Variants in IQCN observed in about 807,000 individuals in gnomAD.
IQCN encodes IQ domain-containing protein N.
Under a neutral mutation model 64.4 loss-of-function variants are expected in IQCN, and 46 were observed. The ratio of observed to expected loss-of-function variants is 0.71; its 90% CI spans 0.56 to 0.91. The LOEUF (loss-of-function observed/expected upper bound fraction) is 0.91. IQCN is among the 40% of genes least tolerant of loss of function. The pLI, the probability that IQCN is intolerant of heterozygous loss-of-function variation, is 0.00. For synonymous variants in IQCN, 733 were observed against 775.6 expected, an observed-to-expected ratio of 0.95 and a Z score of 0.91; for missense variants, 1,753 against 1,857.4, an observed-to-expected ratio of 0.94 and a Z score of 1.03.
rs773539164 is a variant in IQCN, at chr19:18,266,540, T to A, written c.1000A>T (p.Met334Leu). The A allele has an allele frequency of 6.2e-6, 10 of 1,612,048 alleles. No homozygotes were observed. Among genetic ancestry groups the A allele is most frequent in the Middle Eastern group, 1.6e-4 (1 of 6,078 alleles). The change falls in exon 3 of 4, where the codon ATG becomes TTG. Residue 334 changes from methionine to leucine, a missense_variant. Transcript: ENST00000392413. The surrounding 1 kb of genome is among the most constrained non-coding windows in gnomAD (Gnocchi z 4.3). The part of the protein sequence containing the change: ...KAPFQICPGP[M>L]ITKTLLQTYP... ...GTCTGGAGTAGAGTCTTGGTGATCATGGGCCCTGGACATATCTGGAAGGGG... is the reference window on the plus strand; with the variant it reads ...GTCTGGAGTAGAGTCTTGGTGATCAAGGGCCCTGGACATATCTGGAAGGGG...
chr19:18,258,951 G>A (rs1600117216), intron 3 of IQCN: 1 of 164,452 alleles, frequency 6.1e-6, no homozygotes, highest in African/African-American at 2.4e-5. Context: ...GCTCCCAGAG[G>A]ACTGGAGTAC....
In IQCN at chr19:18,265,183, T is replaced by G; in HGVS notation, c.2357A>C (p.Gln786Pro). 6.2e-7 allele frequency: 1 copy of G among 1,610,190 alleles called. No individual in the cohort carries two copies. The highest frequency in any genetic ancestry group is 8.5e-7 in the Non-Finnish European group (1 of 1,179,944). Residue 786 changes from glutamine to proline, a missense_variant, in exon 3 of 4, where the codon CAG (glutamine) becomes CCG (proline). Transcript: ENST00000392413. This position sits in a 1 kb window ranked among gnomAD's most constrained non-coding sequence, Gnocchi z 4.7. ...TGGGGCGCTGAGGCCACCGAGGCGC[T>G]GGCAGGCGTGGTTGGACACCTTGGA... ...TGSKVSNHACQRLGGLSAPPW... is the reference protein window; with the variant it reads ...TGSKVSNHACPRLGGLSAPPW...
intron 2 of IQCN, 199 bp from the exon 3 acceptor site, chr19:18,267,725 T>C: frequency 2.0e-6 from 1 of 504,554 alleles, no homozygotes; most frequent in East Asian, 3.2e-5. Context: ...CTACGGCCAC[T>C]TCATCTTGGC....
chr19:18,271,512 T>C (rs28712632), intron 1 of IQCN, among the ~76,000 whole-genome samples: 127 of 151,744 alleles, frequency 8.4e-4, no homozygotes, highest in African/African-American at 2.8e-3. Flanking sequence ...TGTGGTACTT[T>C]AGGGCTGAGG....
rs780183473 is a variant in IQCN, at chr19:18,257,757, C to T, written c.3527G>A (p.Arg1176His). ...IQSAWRGYST[R>H]RDQARHWQML... is the part of the protein sequence containing the mutation. The stretch of plus-strand genomic sequence containing the variant: ...CTGCCAGTGCCGGGCTTGGTCCCGG[C>T]GGGTGCTGTAGCCGCGCCAGGCAGA... Residue 1176 changes from arginine to histidine, a missense_variant, in exon 4 of 4, where the codon CGC (arginine) becomes CAC (histidine). Arg to His is a conservative substitution (Grantham distance 29, BLOSUM62 0). Coordinates refer to ENST00000392413, the MANE Select transcript of IQCN (RefSeq NM_001145304.2). 2.4e-5 allele frequency: 38 copies of T among 1,610,944 alleles called. No individual in the cohort carries two copies. Among genetic ancestry groups the T allele is most frequent in the Non-Finnish European group, 2.8e-5 (33 of 1,179,010 alleles).
rs371400971 is a variant in IQCN, at chr19:18,264,481, G to A, written c.3059C>T (p.Ser1020Leu). The A allele has an allele frequency of 2.0e-4, 313 of 1,551,234 alleles. No individual in the cohort carries two copies. The Middle Eastern group carries it at 2.2e-3, about 11-fold the overall frequency. The stretch of plus-strand genomic sequence containing the variant: ...AGTCACCCCGCTTCCTGTTGATTTC[G>A]AGGCGGCCTTGGGGAGGATGGTTCC... ...RTGTILPKAA[S>L]KSTGSGVTKT... is the part of the protein sequence containing the mutation. The change falls in exon 3 of 4, where the codon TCG (serine) becomes TTG (leucine). Residue 1020 changes from serine (S) to leucine (L), a missense_variant. Transcript: ENST00000392413. This position sits in a 1 kb window ranked among gnomAD's most constrained non-coding sequence, Gnocchi z 4.3.
rs570904516 is a variant in IQCN, at chr19:18,268,554, A to G, written c.13+912T>C. ...AGTGTTAAAGGCAAATTGGCCCGGC[A>G]CGGTGGCTCATGTCTGTCATTCCAG... On this transcript the variant is annotated intron_variant, in intron 2 of 3. Coordinates refer to ENST00000392413, the MANE Select transcript of IQCN (RefSeq NM_001145304.2). 5.3e-5 allele frequency among the ~76,000 whole-genome samples: 8 copies of G among 152,242 alleles called. No individual in the cohort carries two copies. The South Asian group carries it at 1.7e-3, about 32-fold the overall frequency.
At chr19:18,270,291 G>T (rs1568283060) in intron 1 of IQCN, among the ~76,000 whole-genome samples, 1 of 150,488 alleles carries the variant, frequency 6.6e-6, no homozygotes, top group Non-Finnish European at 1.5e-5. Flanking sequence ...AACCTGGGAG[G>T]CAGAGATTTC....
Position 18,257,938 on chromosome 19 carries a change from C to G in IQCN, c.3346G>C (p.Ala1116Pro). The change falls in exon 4 of 4, where the codon GCA (alanine) becomes CCA (proline). Residue 1116 changes from alanine to proline, a missense_variant. By Grantham distance (27) the Ala-to-Pro change is conservative (BLOSUM62 -1). Transcript: ENST00000392413. ...MQAAEEIRILAVITIQAGVRG... is the reference protein window; with the variant it reads ...MQAAEEIRILPVITIQAGVRG... ...ACGCCCGCCTGGATAGTGATCACTGCGAGGATGCGGATCTCCTCTGCAGCC... is the reference window on the plus strand; with the variant it reads ...ACGCCCGCCTGGATAGTGATCACTGGGAGGATGCGGATCTCCTCTGCAGCC... 1 of 1,612,864 alleles carries G rather than the reference C, an allele frequency of 6.2e-7. No individual in the cohort carries two copies.
In IQCN at chr19:18,267,195, C is replaced by T. The variant is rs1568281360; in HGVS notation, c.345G>A (p.Arg115=). 2 of 1,614,146 alleles carry T rather than the reference C, an allele frequency of 1.2e-6. No homozygotes were observed. Among genetic ancestry groups the T allele is most frequent in the African/African-American group, 2.7e-5 (2 of 74,956 alleles). Reference sequence around the variant, plus strand: ...TCAGCTTCTGCCGGAGCCAATAGCCCCTCCAGTTGGCTTGGATGAGCGTGG... The same window carrying T: ...TCAGCTTCTGCCGGAGCCAATAGCCTCTCCAGTTGGCTTGGATGAGCGTGG... ...RAATLIQANW[R]GYWLRQKLIS... is the part of the protein sequence containing the mutation. The change falls in exon 3 of 4, where the codon AGG becomes AGA. Residue 115 remains arginine, a synonymous_variant. Coordinates refer to ENST00000392413, the MANE Select transcript of IQCN (RefSeq NM_001145304.2).
intron 2 of IQCN, among the ~76,000 whole-genome samples, chr19:18,268,174 C>CTGTGTGTGTGTG (rs71336668): frequency 1.8e-3 from 247 of 134,474 alleles, no homozygotes; most frequent in East Asian, 3.4e-3. Flanking sequence ...CTGTTTGCCT[C>CTGTGTGTGTGTG]TGTGTGTGTG....
At position 18,264,327 on chromosome 19, in the gene IQCN, G is replaced by A; in HGVS notation, c.3177+36C>T. 1 of 1,439,122 alleles carries A rather than the reference G, an allele frequency of 6.9e-7. No homozygotes were observed. 89.1% of individuals were successfully genotyped at this position (1,439,122 alleles called of 1,614,324 possible). On this transcript the variant is annotated intron_variant, in intron 3 of 3. Transcript: ENST00000392413. This position sits in a 1 kb window ranked among gnomAD's most constrained non-coding sequence, Gnocchi z 4.3. The stretch of plus-strand genomic sequence containing the variant: ...AGGGCCCGGCAGGTTGGCCCATGGT[G>A]AAACAACCCCAGATCCCAACCTGGG...
rs1969561303 is a variant in IQCN, at chr19:18,265,872, G to T, written c.1668C>A (p.Ala556=). Residue 556 remains alanine (A), a synonymous_variant, in exon 3 of 4, where the codon GCC becomes GCA. Transcript: ENST00000392413. The surrounding 1 kb of genome is among the most constrained non-coding windows in gnomAD (Gnocchi z 4.7). ...TTGCAGCCTGCTTCACATTCACGGT[G>T]GCCTTGGCCTTGGGTGGGTTCTCAT... ...SIHENPPKAK[A]TVNVKQAAKV... 2 of 1,614,224 alleles carry T rather than the reference G, an allele frequency of 1.2e-6. No individual in the cohort carries two copies. Among genetic ancestry groups the T allele is most frequent in the African/African-American group, 1.3e-5 (1 of 75,064 alleles).
intron 3 of IQCN, chr19:18,262,068 T>TA (rs1969441056): frequency 6.5e-6 from 1 of 153,044 alleles, no homozygotes; most frequent in African/African-American, 2.4e-5. Context: ...CTGATATGGG[T>TA]AGGTTGGGCT....
rs149705085 is a variant in IQCN at position 18,266,472 on chromosome 19, C to A, written c.1068G>T (p.Ala356=). Residue 356 remains alanine (A), a synonymous_variant, in exon 3 of 4, where the codon GCG becomes GCT. Coordinates refer to ENST00000392413, the MANE Select transcript of IQCN (RefSeq NM_001145304.2). This position sits in a 1 kb window ranked among gnomAD's most constrained non-coding sequence, Gnocchi z 4.3. ...TGGGTGGGGTGGTGGTCATCGTGGA[C>A]GCTGGATATGTCTGTGGCAGGGTCA... is the stretch of plus-strand genomic sequence containing the variant. ...VSVTLPQTYP[A]STMTTTPPKT... 3 of 1,585,578 alleles carry A rather than the reference C, an allele frequency of 1.9e-6. No individual in the cohort carries two copies. The highest frequency in any genetic ancestry group is 1.8e-5 in the Admixed American group (1 of 55,762).
Position 18,266,727 on chromosome 19 carries a change from G to A in IQCN, c.813C>T (p.Leu271=), listed in dbSNP as rs373740801. ...TCACTGAGTCACCCTCTATGTGGACGAGGCAGGTGCTTCTGATGGTTCTGG... is the reference window on the plus strand; with the variant it reads ...TCACTGAGTCACCCTCTATGTGGACAAGGCAGGTGCTTCTGATGGTTCTGG... The part of the protein sequence containing the change: ...LLTRTIRSTC[L]VHIEGDSVKT... Residue 271 remains leucine, a synonymous_variant, in exon 3 of 4, where the codon CTC becomes CTT. Transcript: ENST00000392413. The surrounding 1 kb of genome is among the most constrained non-coding windows in gnomAD (Gnocchi z 4.3). 49 of 1,614,006 alleles carry A rather than the reference G, an allele frequency of 3.0e-5. 1 individual carries two copies. The African/African-American group carries it at 4.4e-4, about 15-fold the overall frequency.
rs201497569 is a variant in IQCN at position 18,267,231 on chromosome 19, G to A, written c.309C>T (p.His103=). 5.0e-5 allele frequency: 81 copies of A among 1,614,128 alleles called. 2 individuals carry two copies. In the Middle Eastern group the frequency reaches 6.6e-4, roughly 13 times the overall value. Residue 103 remains histidine (H), a synonymous_variant, in exon 3 of 4, where the codon CAC becomes CAT. Transcript: ENST00000392413. ...CTTGGATGAGCGTGGCTGCACGGGC[G>A]TGCATCATGTCCATCTCGTCTACCA... ...NILVDEMDMM[H]ARAATLIQAN...
At position 18,265,999 on chromosome 19, in the gene IQCN, A is replaced by C. The variant is rs757868758; in HGVS notation, c.1541T>G (p.Ile514Ser). 6 of 1,614,004 alleles carry C rather than the reference A, an allele frequency of 3.7e-6. No individual in the cohort carries two copies. Among genetic ancestry groups the C allele is most frequent in the Middle Eastern group, 1.7e-4 (1 of 6,058 alleles). ...AGAGGCCAGACACAGAGTCTTGAGG[A>C]TGGTGGCCACCGAGCGTAACTGGGC... ...TPAQLRSVAT[I>S]LKTLCLASPT... Residue 514 changes from isoleucine (I) to serine (S), a missense_variant, in exon 3 of 4, where the codon ATC (isoleucine) becomes AGC (serine). Physicochemically the swap from Ile to Ser is moderately radical, Grantham distance 142. Transcript: ENST00000392413. This position sits in a 1 kb window ranked among gnomAD's most constrained non-coding sequence, Gnocchi z 4.7.
chr19:18,265,234 G>T lies in IQCN; in HGVS notation c.2306C>A (p.Thr769Asn). ...AHQAADLSSNTHSQVLLTGSK... is the reference protein window; with the variant it reads ...AHQAADLSSNNHSQVLLTGSK... Reference sequence around the variant, plus strand: ...CCCTGTTAGGAGCACCTGGGAGTGGGTGTTGCTGCTGAGATCAGCAGCCTG... The same window carrying T: ...CCCTGTTAGGAGCACCTGGGAGTGGTTGTTGCTGCTGAGATCAGCAGCCTG... The change falls in exon 3 of 4, where the codon ACC becomes AAC. Residue 769 changes from threonine to asparagine, a missense_variant. Thr to Asn is a moderately conservative substitution (Grantham distance 65). Coordinates refer to ENST00000392413, the MANE Select transcript of IQCN (RefSeq NM_001145304.2). This position sits in a 1 kb window ranked among gnomAD's most constrained non-coding sequence, Gnocchi z 4.7. 10 of 1,613,178 alleles carry T rather than the reference G, an allele frequency of 6.2e-6. No homozygotes were observed. Among genetic ancestry groups the T allele is most frequent in the Non-Finnish European group, 8.5e-6 (10 of 1,179,986 alleles).
Sources: gnomAD v4.1 joint callset for allele counts (sites outside exome capture counted in the v4.1 genomes callset) on GRCh38, gnomAD v4.1.1 for gene constraint, Gnocchi (gnomAD v3.1) non-coding constraint, MANE v1.5 for transcripts, NCBI Gene and HGNC (gene_info 2026-07-23, HGNC 2026-07-21) for gene names.